Variants in CABCOCO1 observed in about 807,000 individuals in gnomAD.
The protein encoded by CABCOCO1 is ciliary associated calcium binding coiled-coil 1, also known as ciliary-associated calcium-binding coiled-coil protein 1.
A neutral mutation model predicts 35.7 loss-of-function variants in CABCOCO1; 28 were observed. The ratio of observed to expected loss-of-function variants is 0.78; its 90% CI spans 0.58 to 1.07. The LOEUF (loss-of-function observed/expected upper bound fraction) is 1.07, where lower values mean the gene tolerates loss of function less well. CABCOCO1 is among the 50% of genes least tolerant of loss of function. The pLI is 0.00. For synonymous variants in CABCOCO1, 95 were observed against 100.1 expected (o/e 0.95, Z 0.30); for missense variants, 326 against 309.2 (o/e 1.05, Z -0.41).
rs926012716 is a variant in CABCOCO1, at chr10:61,672,667, G to C, written c.96G>C (p.Leu32=). 1.9e-5 allele frequency: 19 copies of C among 980,784 alleles called. No homozygotes were observed. The highest frequency in any genetic ancestry group is 2.3e-5 in the Non-Finnish European group (19 of 825,836). 60.8% of individuals were successfully genotyped at this position (980,784 alleles called of 1,614,324 possible). Reference sequence around the variant, plus strand: ...AATTCCAGGAGCATGAAAAGATTCTGTCTCCGGATTTTCTTTCAGTTGCCC... The same window carrying C: ...AATTCCAGGAGCATGAAAAGATTCTCTCTCCGGATTTTCTTTCAGTTGCCC... ...DTEFQEHEKI[L]SPDFLSVAQI... The change falls in exon 2 of 8, where the codon CTG becomes CTC. Residue 32 remains leucine (L), a synonymous_variant. Transcript: ENST00000648843.
In CABCOCO1 at chr10:61,748,161, G is replaced by A. The variant is rs181820541; in HGVS notation, c.553-11898G>A. Among the ~76,000 whole-genome samples the A allele has an allele frequency of 5.6e-4, 83 of 148,400 alleles. No individual in the cohort carries two copies. In the East Asian group the frequency reaches 5.7e-3, roughly 10 times the overall value. On this transcript the variant is annotated intron_variant, in intron 5 of 7. Transcript: ENST00000648843. ...AGGTGAAGAGCAGGGAGATACGGGG[G>A]AAAAAAAAAACCCTAAAATTTGGCA...
intron 7 of CABCOCO1, among the ~76,000 whole-genome samples, chr10:61,765,372 G>A (rs1163385650): frequency 1.3e-5 from 2 of 152,058 alleles, no homozygotes; most frequent in Admixed American, 6.5e-5. Flanking sequence ...CAAAACCTGA[G>A]AGCAATTGCT....
chr10:61,709,945 G>A (rs1468473094), intron 5 of CABCOCO1, among the ~76,000 whole-genome samples: 1 of 151,910 alleles, frequency 6.6e-6, no homozygotes, highest in Non-Finnish European at 1.5e-5. Context: ...TGAATTAAGA[G>A]GGAGAACGAC....
intron 1 of CABCOCO1, among the ~76,000 whole-genome samples, chr10:61,665,750 G>A (rs1031674249): frequency 1.3e-5 from 2 of 151,672 alleles, no homozygotes; most frequent in Non-Finnish European, 2.9e-5. Context: ...AGCCGGGCGT[G>A]GTAGCGGGCG....
chr10:61,725,985 T>G (rs1841139155), intron 5 of CABCOCO1, among the ~76,000 whole-genome samples: 3 of 152,188 alleles, frequency 2.0e-5, no homozygotes, highest in Admixed American at 2.0e-4. Flanking sequence ...TGTTCCTCCT[T>G]TATCAGATCA....
intron 5 of CABCOCO1, among the ~76,000 whole-genome samples, chr10:61,744,575 T>C (rs771423742): frequency 1.3e-5 from 2 of 152,164 alleles, no homozygotes; most frequent in Non-Finnish European, 2.9e-5. Flanking sequence ...AGCCAGGTGG[T>C]AGTTCTCAAA....
intron 1 of CABCOCO1, among the ~76,000 whole-genome samples, chr10:61,667,527 A>G (rs1034396320): frequency 1.3e-4 from 19 of 151,686 alleles, no homozygotes; most frequent in Non-Finnish European, 2.4e-4. Flanking sequence ...TAGTTCTTTG[A>G]ATTTGAAAGT....
chr10:61,735,853 A>G (rs1564551172), intron 5 of CABCOCO1, among the ~76,000 whole-genome samples: 1 of 152,132 alleles, frequency 6.6e-6, no homozygotes, highest in Non-Finnish European at 1.5e-5. Context: ...AACCCCGACC[A>G]TGTAGCTGAA....
intron 5 of CABCOCO1, among the ~76,000 whole-genome samples, chr10:61,704,504 G>C (rs1840547867): frequency 6.6e-6 from 1 of 152,180 alleles, no homozygotes; most frequent in South Asian, 2.1e-4. Context: ...CCCACCTACA[G>C]ATGCCTGAGT....
At chr10:61,718,212 A>G (rs1840914833) in intron 5 of CABCOCO1, among the ~76,000 whole-genome samples, 1 of 152,164 alleles carries the variant, frequency 6.6e-6, no homozygotes, top group African/African-American at 2.4e-5. Context: ...TTTTCCATAA[A>G]GAGATTATTA....
rs565371508 is a variant in CABCOCO1 at position 61,705,795 on chromosome 10, T to C, written c.552+15174T>C. ...GCTAGGCACTAAGCACTTTAAATAT[T>C]ACACACACATAATCTTCACAACAAC... On this transcript the variant is annotated intron_variant, in intron 5 of 7. Coordinates refer to ENST00000648843, the MANE Select transcript of CABCOCO1 (RefSeq NM_001366906.2). Among the ~76,000 whole-genome samples the C allele has an allele frequency of 3.9e-5, 6 of 152,302 alleles. No individual in the cohort carries two copies. In the South Asian group the frequency reaches 1.2e-3, roughly 32 times the overall value.
chr10:61,709,395 C>G (rs1304863420), intron 5 of CABCOCO1, among the ~76,000 whole-genome samples: 1 of 151,852 alleles, frequency 6.6e-6, no homozygotes, highest in Non-Finnish European at 1.5e-5. Context: ...AAAATAAGGC[C>G]AGACATTTGG....
intron 5 of CABCOCO1, among the ~76,000 whole-genome samples, chr10:61,738,584 A>C (rs1182956170): frequency 6.6e-6 from 1 of 152,244 alleles, no homozygotes; most frequent in African/African-American, 2.4e-5. Flanking sequence ...AATTCAAAAC[A>C]TCTTAATGAT....
At chr10:61,730,548 G>T (rs1167268801) in intron 5 of CABCOCO1, among the ~76,000 whole-genome samples, 2 of 151,990 alleles carry the variant, frequency 1.3e-5, no homozygotes, top group Non-Finnish European at 2.9e-5. Flanking sequence ...AATTGATTTA[G>T]GAATGAATGA....
At chr10:61,666,858 C>T (rs1839189271) in intron 1 of CABCOCO1, among the ~76,000 whole-genome samples, 1 of 147,502 alleles carries the variant, frequency 6.8e-6, no homozygotes, top group African/African-American at 2.5e-5. Flanking sequence ...ACAAAATAGG[C>T]AGCAGAAGAG....
intron 5 of CABCOCO1, among the ~76,000 whole-genome samples, chr10:61,736,769 A>G (rs975165747): frequency 6.6e-6 from 1 of 152,222 alleles, no homozygotes; most frequent in African/African-American, 2.4e-5. Flanking sequence ...CTTCTTATCC[A>G]TGAGCATGGG....
intron 5 of CABCOCO1, among the ~76,000 whole-genome samples, chr10:61,735,620 T>A (rs1841399627): frequency 6.6e-6 from 1 of 152,188 alleles, no homozygotes; most frequent in Non-Finnish European, 1.5e-5. Context: ...TTAGAAATGT[T>A]TTTGTTTTAA....
intron 5 of CABCOCO1, among the ~76,000 whole-genome samples, chr10:61,752,762 G>A (rs1283561408): frequency 6.6e-6 from 1 of 151,652 alleles, no homozygotes; most frequent in African/African-American, 2.4e-5. Flanking sequence ...AGATTTCATA[G>A]CACTTTACAA....
At chr10:61,669,772 T>A (rs1839302415) in intron 1 of CABCOCO1, among the ~76,000 whole-genome samples, 1 of 152,088 alleles carries the variant, frequency 6.6e-6, no homozygotes, top group East Asian at 1.9e-4. Flanking sequence ...TTTCATATAG[T>A]TCTTGTGTGA....
Sources: allele counts gnomAD v4.1 joint callset (sites outside exome capture counted in the v4.1 genomes callset), GRCh38; gene constraint gnomAD v4.1.1; transcripts MANE v1.5; gene names NCBI Gene and HGNC (gene_info 2026-07-23, HGNC 2026-07-21).